The following CORIN variants were observed in gnomAD, a reference collection of about 807,000 sequenced individuals.
CORIN encodes atrial natriuretic peptide-converting enzyme.
CORIN carries 117 observed loss-of-function variants against 125.3 expected under a neutral mutation model. The ratio of observed to expected loss-of-function variants is 0.93; its 90% confidence interval spans 0.80 to 1.09. The LOEUF is 1.09. Ranked by LOEUF, CORIN falls within the 50% of genes least tolerant of loss-of-function variation. The pLI is 0.00. For missense variants in CORIN, 1,253 were observed against 1,306.7 expected (o/e 0.96, Z 0.63); for synonymous variants, 450 against 466.4 (o/e 0.96, Z 0.45).
intron 5 of CORIN, 51 bp downstream of exon 5, chr4:47,744,351 G>T: frequency 1.3e-6 from 2 of 1,487,446 alleles, no homozygotes; most frequent in South Asian, 1.2e-5. Context: ...CTGTATAAAT[G>T]GCATACTCAA....
chr4:47,685,623 T>C (rs945986601), intron 6 of CORIN, among the ~76,000 whole-genome samples: 2 of 152,234 alleles, frequency 1.3e-5, no homozygotes, highest in African/African-American at 2.4e-5. Flanking sequence ...TAAAAATCAA[T>C]AGATGAAATT....
At position 47,595,604 on chromosome 4, in the gene CORIN, T is replaced by C; in HGVS notation, c.*117A>G. 1 of 665,720 alleles carries C rather than the reference T, an allele frequency of 1.5e-6. No individual in the cohort carries two copies. Among genetic ancestry groups the C allele is most frequent in the Non-Finnish European group, 2.4e-6 (1 of 416,446 alleles). 41.2% of individuals were successfully genotyped at this position (665,720 alleles called of 1,614,324 possible). A position where few individuals can be genotyped will look rare whatever the true frequency, so the allele number is the denominator to read the frequency against. Reference sequence around the variant, plus strand: ...AACATGCAAATTTGCAGTGCACGATTGAGCATTTCTGTCCATGAAAAGTGC... The same window carrying C: ...AACATGCAAATTTGCAGTGCACGATCGAGCATTTCTGTCCATGAAAAGTGC... On this transcript the variant is annotated 3_prime_UTR_variant, in exon 22 of 22. Transcript: ENST00000273857.
chr4:47,660,874 C>A (rs1181424589), intron 12 of CORIN, among the ~76,000 whole-genome samples: 1 of 152,316 alleles, frequency 6.6e-6, no homozygotes, highest in East Asian at 1.9e-4. Context: ...GATATCTGCA[C>A]TCCCATGCTT....
At chr4:47,774,705 G>T (rs1471756281) in intron 3 of CORIN, among the ~76,000 whole-genome samples, 1 of 152,124 alleles carries the variant, frequency 6.6e-6, no homozygotes, top group Non-Finnish European at 1.5e-5. Context: ...CTTATCATGT[G>T]CCAGACTGTA....
In CORIN at chr4:47,715,745, A is replaced by G. The variant is rs144429563; in HGVS notation, c.800-22662T>C. Among the ~76,000 whole-genome samples the G allele has an allele frequency of 5.4e-3, 822 of 152,338 alleles. 8 individuals are homozygous for G. Among genetic ancestry groups the G allele is most frequent in the African/African-American group, 0.018 (764 of 41,572 alleles). ...TCATAATCGTCATAATATTCTTCAG[A>G]CACATAAAGAAAGATCTCATGGAGG... On this transcript the variant is annotated intron_variant, in intron 5 of 21. Transcript: ENST00000273857.
At chr4:47,806,405 G>A (rs964009571) in intron 2 of CORIN, among the ~76,000 whole-genome samples, 3 of 152,124 alleles carry the variant, frequency 2.0e-5, no homozygotes, top group African/African-American at 4.8e-5. Flanking sequence ...TTATAGTTTT[G>A]CAGTAGTTAT....
intron 3 of CORIN, among the ~76,000 whole-genome samples, chr4:47,775,914 T>C (rs1212410714): frequency 6.6e-6 from 1 of 152,122 alleles, no homozygotes; most frequent in Non-Finnish European, 1.5e-5. Flanking sequence ...TTTTTTTGAG[T>C]CAAGGTTTCA....
chr4:47,688,978 A>G (rs142593310), intron 6 of CORIN, among the ~76,000 whole-genome samples: 5 of 152,304 alleles, frequency 3.3e-5, no homozygotes, highest in East Asian at 3.9e-4. Flanking sequence ...TGGAATATCA[A>G]TTTTTATTTT....
intron 17 of CORIN, among the ~76,000 whole-genome samples, chr4:47,626,176 G>A (rs756890246): frequency 1.1e-4 from 17 of 151,924 alleles, no homozygotes; most frequent in Non-Finnish European, 1.8e-4. Context: ...CTCTCTCCTC[G>A]CCATGATAGT....
At chr4:47,660,133 T>A (rs1185666701) in intron 12 of CORIN, among the ~76,000 whole-genome samples, 1 of 152,220 alleles carries the variant, frequency 6.6e-6, no homozygotes, top group Non-Finnish European at 1.5e-5. Context: ...TGGATATTCA[T>A]ATGCAGAAGA....
intron 19 of CORIN, among the ~76,000 whole-genome samples, chr4:47,604,407 C>G (rs553259419): frequency 1.3e-5 from 2 of 152,176 alleles, no homozygotes; most frequent in African/African-American, 2.4e-5. Flanking sequence ...TCCCACCATA[C>G]GCTGGTGACC....
Position 47,600,297 on chromosome 4 carries a change from A to G in CORIN, c.2863T>C (p.Cys955Arg), listed in dbSNP as rs1721403366. Residue 955 changes from cysteine to arginine, a missense_variant, in exon 21 of 22, where the codon TGT becomes CGT. By Grantham distance (180) the Cys-to-Arg change is radical (BLOSUM62 -3). Coordinates refer to ENST00000273857, the MANE Select transcript of CORIN (RefSeq NM_006587.4). ...GEVRIISLEHCQSYFDMKTIT... is the reference protein window; with the variant it reads ...GEVRIISLEHRQSYFDMKTIT... ...GTCTTCATGTCAAAGTAGGACTGAC[A>G]ATGTTCCAGAGAAATAATGCGGACC... 1 of 1,613,810 alleles carries G rather than the reference A, an allele frequency of 6.2e-7. No homozygotes were observed. Among genetic ancestry groups the G allele is most frequent in the Non-Finnish European group, 8.5e-7 (1 of 1,179,800 alleles).
intron 5 of CORIN, among the ~76,000 whole-genome samples, chr4:47,716,878 T>A (rs1727114034): frequency 6.6e-6 from 1 of 152,076 alleles, no homozygotes; most frequent in Admixed American, 6.6e-5. Context: ...TTTCATACTG[T>A]TAAAAATAAC....
chr4:47,723,753 C>G (rs570023662), intron 5 of CORIN, among the ~76,000 whole-genome samples: 1 of 151,972 alleles, frequency 6.6e-6, no homozygotes, highest in African/African-American at 2.4e-5. Flanking sequence ...AATCCCAGCA[C>G]TTTGGGAGGC....
chr4:47,660,303 G>C (rs111708366), intron 12 of CORIN, among the ~76,000 whole-genome samples: 1 of 152,028 alleles, frequency 6.6e-6, no homozygotes, highest in Non-Finnish European at 1.5e-5. Flanking sequence ...AATATCACAG[G>C]AACACAGACA....
chr4:47,626,211 A>G (rs540553357), intron 17 of CORIN, among the ~76,000 whole-genome samples, 194 bp downstream of exon 17: 1 of 152,342 alleles, frequency 6.6e-6, no homozygotes, highest in South Asian at 2.1e-4. Context: ...ATAAAAGAGA[A>G]AAAAAATCTA....
intron 10 of CORIN, among the ~76,000 whole-genome samples, chr4:47,673,375 C>G (rs1403383841): frequency 1.5e-5 from 2 of 133,936 alleles, no homozygotes; most frequent in Non-Finnish European, 3.2e-5. Context: ...GACTCTGTCT[C>G]AGAAAAAAAA....
chr4:47,731,849 A>G (rs181729279), intron 5 of CORIN, among the ~76,000 whole-genome samples: 78 of 151,918 alleles, frequency 5.1e-4, no homozygotes, highest in African/African-American at 1.8e-3. Context: ...AGCCTGGGTG[A>G]CAGAGCAAGA....
intron 11 of CORIN, among the ~76,000 whole-genome samples, chr4:47,664,730 T>C (rs942820464): frequency 6.6e-6 from 1 of 152,154 alleles, no homozygotes; most frequent in Non-Finnish European, 1.5e-5. Context: ...ACTATCATAC[T>C]TTTTTAAAAA....
Sources: allele counts gnomAD v4.1 joint callset (sites outside exome capture counted in the v4.1 genomes callset), GRCh38; gene constraint gnomAD v4.1.1; transcripts MANE v1.5; gene names NCBI Gene and HGNC (gene_info 2026-07-23, HGNC 2026-07-21).